The following ADARB2 variants were observed in gnomAD, a reference collection of about 807,000 sequenced individuals.
ADARB2 encodes inactive double-stranded RNA-specific editase B2.
In ADARB2, 25 loss-of-function variants were observed where a neutral mutation model predicts 62.2. The ratio of observed to expected loss-of-function variants is 0.40; its 90% CI spans 0.29 to 0.56. The LOEUF is 0.56. Ranked by LOEUF, ADARB2 falls within the 20% of genes least tolerant of loss-of-function variation. The probability of loss-of-function intolerance (pLI) is 0.43; values close to 1 mark genes in which losing one functional copy is unlikely to be tolerated. For synonymous variants in ADARB2, 572 were observed against 500.8 expected (o/e 1.14, Z -1.90); for missense variants, 1,071 against 1,077.4 (o/e 0.99, Z 0.08).
chr10:1,554,605 G>GC, intron 1 of ADARB2, among the ~76,000 whole-genome samples: 1 of 152,200 alleles, frequency 6.6e-6, no homozygotes, highest in East Asian at 1.9e-4. Context: ...TTTCCCCACA[G>GC]CCCCCAACGG....
At chr10:1,475,486 G>C (rs1831387675) in intron 1 of ADARB2, among the ~76,000 whole-genome samples, 1 of 152,192 alleles carries the variant, frequency 6.6e-6, no homozygotes, top group Admixed American at 6.5e-5. Flanking sequence ...GGAGGGGCCT[G>C]GAGTCTCCAG....
At chr10:1,508,181 C>G (rs112218166) in intron 1 of ADARB2, among the ~76,000 whole-genome samples, 1 of 152,170 alleles carries the variant, frequency 6.6e-6, no homozygotes, top group Non-Finnish European at 1.5e-5. Flanking sequence ...GAATAGGATG[C>G]GTTTGAGGGC....
intron 1 of ADARB2, among the ~76,000 whole-genome samples, chr10:1,483,909 G>A (rs183671219): frequency 1.3e-5 from 2 of 152,012 alleles, no homozygotes; most frequent in Non-Finnish European, 2.9e-5. Context: ...TTCTTATTCC[G>A]CCATGCGCCA....
At chr10:1,491,822 G>C (rs1206651282) in intron 1 of ADARB2, among the ~76,000 whole-genome samples, 2 of 152,240 alleles carry the variant, frequency 1.3e-5, no homozygotes, top group African/African-American at 4.8e-5. Flanking sequence ...GTTCATGGCT[G>C]AGTGATTCGC....
intron 1 of ADARB2, among the ~76,000 whole-genome samples, chr10:1,530,402 C>G (rs373569540): frequency 2.0e-5 from 3 of 152,206 alleles, no homozygotes; most frequent in Non-Finnish European, 2.9e-5. Context: ...ACCCAGCACC[C>G]GGGCCACAGT....
intron 3 of ADARB2, among the ~76,000 whole-genome samples, chr10:1,306,634 G>C (rs1212109354): frequency 7.3e-6 from 1 of 136,700 alleles, no homozygotes; most frequent in Admixed American, 7.8e-5. Context: ...AAAGCTGGAG[G>C]CATCACACTA....
chr10:1,192,975 C>T (rs1359804681), intron 8 of ADARB2, among the ~76,000 whole-genome samples: 2 of 152,222 alleles, frequency 1.3e-5, no homozygotes, highest in Non-Finnish European at 2.9e-5. Flanking sequence ...TTCCTGCAAG[C>T]CAGAAGGGAA....
At chr10:1,527,445 T>G (rs1832162743) in intron 1 of ADARB2, among the ~76,000 whole-genome samples, 1 of 152,212 alleles carries the variant, frequency 6.6e-6, no homozygotes, top group Non-Finnish European at 1.5e-5. Flanking sequence ...TTTAAAAACT[T>G]CTTCCTCCTT....
intron 1 of ADARB2, among the ~76,000 whole-genome samples, chr10:1,686,669 T>G (rs1834600306): frequency 6.6e-6 from 1 of 152,164 alleles, no homozygotes; most frequent in Non-Finnish European, 1.5e-5. Flanking sequence ...TCTGCAAGCA[T>G]TATTTTGCTA....
chr10:1,409,889 A>G (rs1176219772), intron 1 of ADARB2, among the ~76,000 whole-genome samples: 16 of 67,574 alleles, frequency 2.4e-4, no homozygotes, highest in South Asian at 6.7e-4. Flanking sequence ...CTGTGGTCAT[A>G]GGGAAGGATT....
chr10:1,249,262 C>G (rs1380164044), intron 4 of ADARB2, among the ~76,000 whole-genome samples: 2 of 152,008 alleles, frequency 1.3e-5, no homozygotes, highest in Non-Finnish European at 2.9e-5. Flanking sequence ...GGCAACATAG[C>G]CAGACCCCAA....
chr10:1,633,644 T>C lies in ADARB2; in HGVS notation c.100+103407A>G, dbSNP rs147205528. Among the ~76,000 whole-genome samples, 2 of 140,770 alleles carry C rather than the reference T, an allele frequency of 1.4e-5. 1 individual carries two copies. The highest frequency in any genetic ancestry group is 4.2e-4 in the East Asian group (2 of 4,734). 92.4% of individuals were successfully genotyped at this position (140,770 alleles called of 152,430 possible). A position where few individuals can be genotyped will look rare whatever the true frequency, so the allele number is the denominator to read the frequency against. On this transcript the variant is annotated intron_variant, in intron 1 of 9. Transcript: ENST00000381312. ...TGTAATCTATCTATCCATCCATCTA[T>C]CATACTGGTTCTGTTTCTCTGGAGA...
At chr10:1,563,126 C>T (rs1449357737) in intron 1 of ADARB2, among the ~76,000 whole-genome samples, 6 of 151,866 alleles carry the variant, frequency 4.0e-5, no homozygotes, top group South Asian at 2.1e-4. Flanking sequence ...AAGGTGCTGA[C>T]GTGAGTCCCT....
At chr10:1,376,083 G>GAC (rs149972448) in intron 2 of ADARB2, among the ~76,000 whole-genome samples, 138 of 149,110 alleles carry the variant, frequency 9.3e-4, no homozygotes, top group Middle Eastern at 3.7e-3. Context: ...CACACATCAC[G>GAC]ACACACACAC....
At chr10:1,535,135 G>A (rs1177756652) in intron 1 of ADARB2, 1 of 164,312 alleles carries the variant, frequency 6.1e-6, no homozygotes, top group Non-Finnish European at 1.5e-5. Flanking sequence ...ACACCCCTCT[G>A]GCTCCTGCTC....
At chr10:1,497,037 A>G (rs966045083) in intron 1 of ADARB2, among the ~76,000 whole-genome samples, 1 of 152,136 alleles carries the variant, frequency 6.6e-6, no homozygotes, top group African/African-American at 2.4e-5. Context: ...CTCTAGCTGG[A>G]CCTGTGACAG....
chr10:1,644,546 A>G (rs767612757), intron 1 of ADARB2, among the ~76,000 whole-genome samples: 6 of 152,278 alleles, frequency 3.9e-5, no homozygotes, highest in Admixed American at 1.3e-4. Context: ...GACACAGGTT[A>G]TCATCGGTGG....
At chr10:1,409,448 C>T (rs1317783919) in intron 1 of ADARB2, among the ~76,000 whole-genome samples, 4 of 151,970 alleles carry the variant, frequency 2.6e-5, no homozygotes. Context: ...GTGCTGAGGC[C>T]TGGTCGTGGT....
At chr10:1,423,110 C>T (rs1022814419) in intron 1 of ADARB2, among the ~76,000 whole-genome samples, 6 of 152,180 alleles carry the variant, frequency 3.9e-5, no homozygotes, top group South Asian at 2.1e-4. Flanking sequence ...CTCTCTGCTC[C>T]GAGTCCCCGA....
Sources: gnomAD v4.1 joint callset for allele counts (sites outside exome capture counted in the v4.1 genomes callset) on GRCh38, gnomAD v4.1.1 for gene constraint, MANE v1.5 for transcripts, NCBI Gene and HGNC (gene_info 2026-07-23, HGNC 2026-07-21) for gene names.